Variants in FAM124A observed in about 807,000 individuals in gnomAD.
FAM124A encodes protein FAM124A.
Under a neutral mutation model 24.5 loss-of-function variants are expected in FAM124A, and 23 were observed. The observed-to-expected ratio is 0.94, with a 90% CI of 0.68 to 1.33. The LOEUF (loss-of-function observed/expected upper bound fraction) is 1.33. Ranked by LOEUF, FAM124A falls within the 40% of genes most tolerant of loss-of-function variation. The pLI is 0.00. For synonymous variants in FAM124A, 287 were observed against 314.7 expected, an observed-to-expected ratio of 0.91 and a Z score of 0.93; for missense variants, 623 against 722.8, an observed-to-expected ratio of 0.86 and a Z score of 1.58.
intron 3 of FAM124A, chr13:51,253,098 T>C (rs1393282265): frequency 2.6e-5 from 4 of 152,252 alleles, no homozygotes; most frequent in Non-Finnish European, 5.9e-5. Flanking sequence ...GGCCTTGTTT[T>C]TCTGAAAAGC....
chr13:51,244,332 T>C (rs1169850770), intron 2 of FAM124A, among the ~76,000 whole-genome samples: 2 of 152,224 alleles, frequency 1.3e-5, no homozygotes, highest in East Asian at 3.8e-4. Flanking sequence ...CCTCACTAGA[T>C]TATAAGCTCT....
intron 3 of FAM124A, among the ~76,000 whole-genome samples, chr13:51,263,574 C>T (rs1365186324): frequency 1.3e-5 from 2 of 152,314 alleles, no homozygotes; most frequent in Non-Finnish European, 1.5e-5. Context: ...AGGTGCAAAA[C>T]CTGGCTGAAA....
At chr13:51,259,824 C>T (rs565509563) in intron 3 of FAM124A, among the ~76,000 whole-genome samples, 2 of 152,268 alleles carry the variant, frequency 1.3e-5, no homozygotes, top group Non-Finnish European at 2.9e-5. Flanking sequence ...CTGTCACCCT[C>T]GCACCTCTAA....
rs1166017532 is a variant in FAM124A at position 51,272,770 on chromosome 13, G to A, written c.835-7680G>A. Reference sequence around the variant, plus strand: ...GGTGGGAGTGCCATACTGGGCCCAGGAGGAAGAAGTGCAATCTGTGTTACA... The same window carrying A: ...GGTGGGAGTGCCATACTGGGCCCAGAAGGAAGAAGTGCAATCTGTGTTACA... On this transcript the variant is annotated intron_variant, in intron 3 of 3. Coordinates refer to ENST00000322475, the MANE Select transcript of FAM124A (RefSeq NM_001242312.2). This position sits in a 1 kb window ranked among gnomAD's most constrained non-coding sequence, Gnocchi z 4.2. 6.6e-6 allele frequency among the ~76,000 whole-genome samples: 1 copy of A among 151,260 alleles called. No homozygotes were observed.
chr13:51,280,622 C>T lies in FAM124A; in HGVS notation c.1007C>T (p.Pro336Leu), dbSNP rs2137716636. ...PHPGPIRTGL[P>L]PGHQQEFAGR... is the part of the protein sequence containing the mutation. ...CCGGGGCCCATCCGGACAGGCCTGC[C>T]TCCTGGGCACCAGCAGGAATTTGCC... The change falls in exon 4 of 4, where the codon CCT (proline) becomes CTT (leucine). Residue 336 changes from proline (P) to leucine (L), a missense_variant. Transcript: ENST00000322475. The T allele has an allele frequency of 1.2e-6, 2 of 1,614,252 alleles. No homozygotes were observed. The highest frequency in any genetic ancestry group is 4.5e-5 in the East Asian group (2 of 44,888).
intron 2 of FAM124A, among the ~76,000 whole-genome samples, chr13:51,243,430 G>T (rs1216631143): frequency 6.6e-6 from 1 of 152,168 alleles, no homozygotes; most frequent in Non-Finnish European, 1.5e-5. Context: ...GGCGTTCTGG[G>T]GAATGCCTCA....
At chr13:51,262,365 C>CA (rs5803561) in intron 3 of FAM124A, among the ~76,000 whole-genome samples, 152,319 of 152,322 alleles carry the variant, frequency 1, 76,158 homozygotes, top group Middle Eastern at 1. Flanking sequence ...CAAATTACCC[C>CA]AAAAAAGTTT....
At chr13:51,250,614 C>T (rs1247882301) in intron 2 of FAM124A, among the ~76,000 whole-genome samples, 4 of 152,240 alleles carry the variant, frequency 2.6e-5, no homozygotes, top group Admixed American at 2.6e-4. Flanking sequence ...CCGACCCATT[C>T]AAGTTGTGTG....
chr13:51,283,784 A>AAG lies in FAM124A; in HGVS notation c.*2529_*2530insGA, dbSNP rs1555276411. The AAG allele has an allele frequency of 6.7e-6, 1 of 149,988 alleles. No homozygotes were observed. The highest frequency in any genetic ancestry group is 1.9e-4 in the East Asian group (1 of 5,162). The allele number at this position is 149,988 out of a possible 1,614,324, so 9.3% of individuals were successfully genotyped here. A position where few individuals can be genotyped will look rare whatever the true frequency, so the allele number is the denominator to read the frequency against. On this transcript the variant is annotated 3_prime_UTR_variant, in exon 4 of 4. Transcript: ENST00000322475. ...CAGTGAGGCAAAAAAAAAAAAAAAA[A>AAG]AAAAAAAAAAAGGCTAATGGCCGAG...
chr13:51,244,881 G>T (rs915297783), intron 2 of FAM124A, among the ~76,000 whole-genome samples: 18 of 152,202 alleles, frequency 1.2e-4, no homozygotes, highest in Admixed American at 6.5e-5. Flanking sequence ...CCTAAGGTGG[G>T]TGAAGGAGCT....
intron 2 of FAM124A, among the ~76,000 whole-genome samples, chr13:51,240,142 A>C (rs1412446207): frequency 6.6e-6 from 1 of 152,274 alleles, no homozygotes; most frequent in African/African-American, 2.4e-5. Context: ...AAGTAGCTGA[A>C]AAATATGATA....
At position 51,280,810 on chromosome 13, in the gene FAM124A, C is replaced by A. The variant is rs781562278; in HGVS notation, c.1195C>A (p.His399Asn). The change falls in exon 4 of 4, where the codon CAC becomes AAC. Residue 399 changes from histidine to asparagine, a missense_variant. Coordinates refer to ENST00000322475, the MANE Select transcript of FAM124A (RefSeq NM_001242312.2). ...CAGGGCATCAGAGTGGAGGCATGGC[C>A]ACCTCCTCTCCATCGATGACCTAGA... Reference protein sequence around the residue: ...GHRASEWRHGHLLSIDDLEGA... With the variant: ...GHRASEWRHGNLLSIDDLEGA... 1 of 1,613,992 alleles carries A rather than the reference C, an allele frequency of 6.2e-7. No individual in the cohort carries two copies. Among genetic ancestry groups the A allele is most frequent in the Admixed American group, 1.7e-5 (1 of 60,006 alleles).
At chr13:51,233,240 T>C (rs1954398619) in intron 2 of FAM124A, among the ~76,000 whole-genome samples, 1 of 152,118 alleles carries the variant, frequency 6.6e-6, no homozygotes, top group Non-Finnish European at 1.5e-5. Context: ...GTTCTCAGCT[T>C]TTGGCTTCCT....
intron 2 of FAM124A, among the ~76,000 whole-genome samples, chr13:51,244,121 T>G (rs1454698845): frequency 1.3e-5 from 2 of 152,264 alleles, no homozygotes; most frequent in Non-Finnish European, 2.9e-5. Flanking sequence ...TCTGTTGGCC[T>G]CGTCGGGGAT....
intron 2 of FAM124A, among the ~76,000 whole-genome samples, chr13:51,246,110 G>T (rs1296908767): frequency 6.6e-6 from 1 of 152,174 alleles, no homozygotes; most frequent in Non-Finnish European, 1.5e-5. Context: ...TGAAAGCCTT[G>T]TTAATGGTGT....
chr13:51,238,435 T>C (rs1264559682), intron 2 of FAM124A, among the ~76,000 whole-genome samples: 1 of 152,232 alleles, frequency 6.6e-6, no homozygotes, highest in Non-Finnish European at 1.5e-5. Context: ...CTTATCTGAA[T>C]CTCTTACTTT....
chr13:51,266,407 C>T (rs942664262), intron 3 of FAM124A, among the ~76,000 whole-genome samples: 3 of 152,066 alleles, frequency 2.0e-5, no homozygotes, highest in Non-Finnish European at 4.4e-5. Context: ...GGAATCTACC[C>T]GTCCAACCCC....
Position 51,281,145 on chromosome 13 carries a change from C to T in FAM124A, c.1530C>T (p.Ser510=). ...GCACCTCCACCCTCACAGACTCCTC[C>T]CCACAGCTCCCATGCGATACCCCCA... is the stretch of plus-strand genomic sequence containing the variant. ...APSTSTLTDS[S]PQLPCDTPKV... The change falls in exon 4 of 4, where the codon TCC becomes TCT. Residue 510 remains serine, a synonymous_variant. Coordinates refer to ENST00000322475, the MANE Select transcript of FAM124A (RefSeq NM_001242312.2). 6.2e-7 allele frequency: 1 copy of T among 1,614,124 alleles called. No homozygotes were observed. The highest frequency in any genetic ancestry group is 8.5e-7 in the Non-Finnish European group (1 of 1,180,042).
chr13:51,255,755 T>A (rs1954668869), intron 3 of FAM124A, among the ~76,000 whole-genome samples: 1 of 152,110 alleles, frequency 6.6e-6, no homozygotes. Flanking sequence ...CCCAGCCAGA[T>A]GTAGTTCAGA....
Sources: allele counts gnomAD v4.1 joint callset (sites outside exome capture counted in the v4.1 genomes callset), GRCh38; gene constraint gnomAD v4.1.1; non-coding constraint Gnocchi (gnomAD v3.1); transcripts MANE v1.5; gene names NCBI Gene and HGNC (gene_info 2026-07-23, HGNC 2026-07-21).